LARP1: variants seen among roughly 807,000 people sequenced by gnomAD.
LARP1 encodes La ribonucleoprotein 1, translational regulator.
A neutral mutation model predicts 122.7 loss-of-function variants in LARP1; 36 were observed. The observed-to-expected ratio is 0.29, with a 90% CI of 0.22 to 0.39. LARP1 has a LOEUF of 0.39. Among genes scored for constraint, LARP1 ranks in the 10% least tolerant of loss-of-function variants. LARP1 has a pLI of 1.00. For synonymous variants in LARP1, 539 were observed against 528.7 expected (o/e 1.02, Z -0.27); for missense variants, 1,040 against 1,403.6 (o/e 0.74, Z 4.14).
chr5:154,780,657 G>C (rs1177534885), intron 1 of LARP1, among the ~76,000 whole-genome samples: 1 of 152,118 alleles, frequency 6.6e-6, no homozygotes, highest in Non-Finnish European at 1.5e-5. Flanking sequence ...GCCCTGACTT[G>C]GTCTGGGATC....
At chr5:154,785,517 T>C (rs1756809842) in intron 1 of LARP1, among the ~76,000 whole-genome samples, 1 of 152,224 alleles carries the variant, frequency 6.6e-6, no homozygotes, top group Admixed American at 6.5e-5. Context: ...TTTGTTTAAC[T>C]GTTCCAGCAG....
At chr5:154,736,704 T>C (rs1247405291) in intron 1 of LARP1, among the ~76,000 whole-genome samples, 1 of 151,884 alleles carries the variant, frequency 6.6e-6, no homozygotes, top group Non-Finnish European at 1.5e-5. Context: ...TAGCTGGGAT[T>C]ACAGGTATGT....
intron 1 of LARP1, among the ~76,000 whole-genome samples, chr5:154,701,208 C>T (rs1303263905): frequency 6.6e-6 from 1 of 152,022 alleles, no homozygotes; most frequent in African/African-American, 2.4e-5. Flanking sequence ...TTACCTGGGC[C>T]CTATAAAACA....
At chr5:154,756,557 G>GA in intron 1 of LARP1, 1 of 953,402 alleles carries the variant, frequency 1.0e-6, no homozygotes, top group Non-Finnish European at 1.2e-6. Context: ...CCTTCCTCTG[G>GA]AAGCCCCTCT....
chr5:154,706,724 G>T (rs1468099131), intron 1 of LARP1, among the ~76,000 whole-genome samples: 1 of 149,488 alleles, frequency 6.7e-6, no homozygotes, highest in East Asian at 2.0e-4. Context: ...AAGTTGGAAA[G>T]TTGGAAAAAA....
At chr5:154,764,533 C>T (rs141276003) in intron 1 of LARP1, among the ~76,000 whole-genome samples, 371 of 36,568 alleles carry the variant, frequency 0.01, 7 homozygotes, top group African/African-American at 0.063. Context: ...CCCAGGAGGT[C>T]GAGGCTATAT....
At chr5:154,691,186 C>G (rs1561527646) in intron 1 of LARP1, among the ~76,000 whole-genome samples, 1 of 146,732 alleles carries the variant, frequency 6.8e-6, no homozygotes, top group African/African-American at 2.5e-5. Flanking sequence ...GGCGTGAACC[C>G]GGGAGGCGGA....
rs912364009 is a variant in LARP1, at chr5:154,698,380, T to G, written c.-180+15343T>G. ...GGGAGGCCGAGGAGGGTGGATCACCTGAGGTCAGGAGTTCGAGACCAGCCT... is the reference window on the plus strand; with the variant it reads ...GGGAGGCCGAGGAGGGTGGATCACCGGAGGTCAGGAGTTCGAGACCAGCCT... On this transcript the variant is annotated intron_variant, in intron 1 of 18. Transcript: ENST00000687700. Among the ~76,000 whole-genome samples, 8 of 152,242 alleles carry G rather than the reference T, an allele frequency of 5.3e-5. No homozygotes were observed. In the East Asian group the frequency reaches 1.4e-3, roughly 26 times the overall value.
At chr5:154,791,051 A>G (rs1205642579) in intron 3 of LARP1, among the ~76,000 whole-genome samples, 1 of 151,752 alleles carries the variant, frequency 6.6e-6, no homozygotes, top group Non-Finnish European at 1.5e-5. Flanking sequence ...TCCTGACCTC[A>G]AGTGATCTGC....
At chr5:154,699,693 C>T (rs771233848) in intron 1 of LARP1, among the ~76,000 whole-genome samples, 1 of 152,130 alleles carries the variant, frequency 6.6e-6, no homozygotes, top group Non-Finnish European at 1.5e-5. Context: ...AGTTTTCGTA[C>T]TGTGTCCACA....
chr5:154,745,084 C>T (rs968228721), intron 1 of LARP1, among the ~76,000 whole-genome samples: 14 of 151,732 alleles, frequency 9.2e-5, no homozygotes, highest in African/African-American at 3.1e-4. Flanking sequence ...CATGCCACCA[C>T]ACCCAGCTAA....
At chr5:154,751,726 T>C (rs1271031458), upstream of LARP1, among the ~76,000 whole-genome samples, 1 of 152,230 alleles carries the variant, frequency 6.6e-6, no homozygotes, top group Non-Finnish European at 1.5e-5. Context: ...TCTATGGTTA[T>C]AATTGTTCTA....
intron 1 of LARP1, among the ~76,000 whole-genome samples, chr5:154,781,666 C>A (rs1756462467): frequency 6.6e-6 from 1 of 152,148 alleles, no homozygotes; most frequent in Non-Finnish European, 1.5e-5. Flanking sequence ...CATGCAAAGA[C>A]ATTGTAAGGC....
intron 1 of LARP1, among the ~76,000 whole-genome samples, 167 bp from the exon 2 acceptor site, chr5:154,790,158 T>C (rs1163697291): frequency 2.0e-5 from 3 of 152,098 alleles, no homozygotes; most frequent in African/African-American, 7.2e-5. Flanking sequence ...GCTGGTAAAA[T>C]TGTTATTGGT....
At chr5:154,756,461 C>T in intron 1 of LARP1, 1 of 986,130 alleles carries the variant, frequency 1.0e-6, no homozygotes, top group South Asian at 4.6e-5. Flanking sequence ...GTGGTTCGGG[C>T]CTACCTCGTC....
chr5:154,688,740 C>G (rs1015773204), intron 1 of LARP1, among the ~76,000 whole-genome samples: 1 of 150,392 alleles, frequency 6.6e-6, no homozygotes, highest in African/African-American at 2.5e-5. Flanking sequence ...GTAGGAGGAT[C>G]TCTTGAGTCT....
chr5:154,766,744 T>C (rs1261727898), intron 1 of LARP1, among the ~76,000 whole-genome samples: 1 of 152,180 alleles, frequency 6.6e-6, no homozygotes, highest in Non-Finnish European at 1.5e-5. Flanking sequence ...CTGAGAACAG[T>C]GGGTTTGCAT....
At position 154,817,364 on chromosome 5, in the gene LARP1, T is replaced by TA. The variant is rs1344656304; in HGVS notation, c.*3269dup. 1 of 152,664 alleles carries TA rather than the reference T, an allele frequency of 6.6e-6. No individual in the cohort carries two copies. Among genetic ancestry groups the TA allele is most frequent in the Non-Finnish European group, 1.5e-5 (1 of 68,044 alleles). The allele number at this position is 152,664 out of a possible 1,614,324, so 9.5% of individuals were successfully genotyped here. On this transcript the variant is annotated 3_prime_UTR_variant, in exon 19 of 19. Transcript: ENST00000518297. Reference sequence around the variant, plus strand: ...TGGCTTTGCGGAGAAGGTTCCACCTTACGCTCGTAGTACATTATCTTTACT... The same window carrying TA: ...TGGCTTTGCGGAGAAGGTTCCACCTTAACGCTCGTAGTACATTATCTTTACT...
Position 154,803,353 on chromosome 5 carries a change from C to T in LARP1, c.2173C>T (p.Pro725Ser), listed in dbSNP as rs1561626178. ...CCGGGAGCAGTTTGACACACTGACCCCTGAGCCCCCTGTGGATCCCAACCA... is the reference window on the plus strand; with the variant it reads ...CCGGGAGCAGTTTGACACACTGACCTCTGAGCCCCCTGTGGATCCCAACCA... ...ISREQFDTLT[P>S]EPPVDPNQEV... The change falls in exon 12 of 19, where the codon CCT (proline) becomes TCT (serine). Residue 725 changes from proline (P) to serine (S), a missense_variant. Pro to Ser is a moderately conservative substitution (Grantham distance 74). Coordinates refer to ENST00000518297, the MANE Select transcript of LARP1 (RefSeq NM_033551.3). This position sits in a 1 kb window ranked among gnomAD's most constrained non-coding sequence, Gnocchi z 4.4. The T allele has an allele frequency of 6.2e-7, 1 of 1,614,154 alleles. No homozygotes were observed. The highest frequency in any genetic ancestry group is 8.5e-7 in the Non-Finnish European group (1 of 1,180,034).
Sources: allele counts gnomAD v4.1 joint callset (sites outside exome capture counted in the v4.1 genomes callset), GRCh38; gene constraint gnomAD v4.1.1; non-coding constraint Gnocchi (gnomAD v3.1); transcripts MANE v1.5; gene names NCBI Gene and HGNC (gene_info 2026-07-23, HGNC 2026-07-21).